The following SH3GL2 variants were observed in gnomAD, a reference collection of about 807,000 sequenced individuals.
SH3GL2 encodes endophilin-A1.
In SH3GL2, 24 loss-of-function variants were observed where a neutral mutation model predicts 46.0. The observed-to-expected ratio is 0.52, with a 90% CI of 0.38 to 0.73. The LOEUF is 0.73. Among genes scored for constraint, SH3GL2 ranks in the 30% least tolerant of loss-of-function variants. The probability of loss-of-function intolerance (pLI) is 0.00; values close to 1 mark genes in which losing one functional copy is unlikely to be tolerated. For synonymous variants in SH3GL2, 196 were observed against 147.1 expected (o/e 1.33, Z -2.40); for missense variants, 413 against 424.2 (o/e 0.97, Z 0.23).
chr9:17,579,471 G>A (rs1410140598), intron 1 of SH3GL2, among the ~76,000 whole-genome samples, 184 bp downstream of exon 1: 1 of 151,878 alleles, frequency 6.6e-6, no homozygotes, highest in Non-Finnish European at 1.5e-5. Context: ...GTCCACCCTC[G>A]GTCCCCCGCC....
intron 1 of SH3GL2, among the ~76,000 whole-genome samples, chr9:17,698,930 G>T (rs1821275384): frequency 6.6e-6 from 1 of 152,122 alleles, no homozygotes; most frequent in African/African-American, 2.4e-5. Context: ...GCCAAGGCGG[G>T]TGGCTCATGA....
At chr9:17,786,076 C>A (rs534902308) in intron 3 of SH3GL2, among the ~76,000 whole-genome samples, 1 of 152,090 alleles carries the variant, frequency 6.6e-6, no homozygotes, top group Non-Finnish European at 1.5e-5. Flanking sequence ...ACTGCAGGGG[C>A]CACCACAGTG....
chr9:17,703,405 T>C (rs890505827), intron 1 of SH3GL2, among the ~76,000 whole-genome samples: 1 of 151,954 alleles, frequency 6.6e-6, no homozygotes, highest in African/African-American at 2.4e-5. Context: ...GGCAGTTTCA[T>C]TTCCAAAAGT....
rs935953198 is a variant in SH3GL2, at chr9:17,747,140, C to T, written c.114+6C>T. On this transcript the variant is annotated splice_donor_region_variant and intron_variant, in intron 2 of 8. Coordinates refer to ENST00000380607, the MANE Select transcript of SH3GL2 (RefSeq NM_003026.5). ...ACTTCAAAGAGATGGAAAGGGTAAGCCTTCACTACTGCCTAGTGTTCCCTT... is the reference window on the plus strand; with the variant it reads ...ACTTCAAAGAGATGGAAAGGGTAAGTCTTCACTACTGCCTAGTGTTCCCTT... 6 of 1,579,846 alleles carry T rather than the reference C, an allele frequency of 3.8e-6. No homozygotes were observed. In the South Asian group the frequency reaches 6.7e-5, roughly 18 times the overall value.
chr9:17,746,499 T>C (rs573314612), intron 1 of SH3GL2, among the ~76,000 whole-genome samples: 103 of 152,338 alleles, frequency 6.8e-4, no homozygotes, highest in African/African-American at 2.3e-3. Context: ...TCAACAGCTT[T>C]CTATATGTTT....
At chr9:17,635,178 C>T (rs1344639886) in intron 1 of SH3GL2, among the ~76,000 whole-genome samples, 1 of 152,110 alleles carries the variant, frequency 6.6e-6, no homozygotes, top group Non-Finnish European at 1.5e-5. Context: ...ATGTCATTCC[C>T]TCTGTGTGTC....
At chr9:17,761,382 G>A (rs1823167883) in intron 2 of SH3GL2, 55 bp from the exon 3 acceptor site, 19 of 1,123,230 alleles carry the variant, frequency 1.7e-5, no homozygotes, top group Non-Finnish European at 6.8e-6. Flanking sequence ...ACCAAAAACC[G>A]GTATTCTAAA....
chr9:17,668,472 A>AT (rs1820396394), intron 1 of SH3GL2, among the ~76,000 whole-genome samples: 3 of 152,026 alleles, frequency 2.0e-5, no homozygotes, highest in Admixed American at 6.5e-5. Context: ...ATTGCTTATG[A>AT]TTTTTTTTGG....
In SH3GL2 at chr9:17,579,162, G is replaced by A; in HGVS notation, c.-81G>A. ...GGCACGACCAGAGGCGGCCAGGGGA[G>A]CGCGCCGCCCCGCTCGGCCCTCCAG... is the stretch of plus-strand genomic sequence containing the variant. On this transcript the variant is annotated 5_prime_UTR_variant, in exon 1 of 9. Coordinates refer to ENST00000380607, the MANE Select transcript of SH3GL2 (RefSeq NM_003026.5). 6.8e-6 allele frequency: 7 copies of A among 1,031,378 alleles called. No individual in the cohort carries two copies. The highest frequency in any genetic ancestry group is 1.7e-5 in the South Asian group (1 of 57,646). 63.9% of individuals were successfully genotyped at this position (1,031,378 alleles called of 1,614,324 possible). A position where few individuals can be genotyped will look rare whatever the true frequency, so the allele number is the denominator to read the frequency against.
rs368605179 is a variant in SH3GL2 at position 17,758,747 on chromosome 9, G to C, written c.115-2690G>C. ...CAAGCGAAGGTTATTTTATGTTGTA[G>C]TCAAAAGGGTTTAGGTAGAACTTGC... On this transcript the variant is annotated intron_variant, in intron 2 of 8. Transcript: ENST00000380607. 1.0e-4 allele frequency among the ~76,000 whole-genome samples: 15 copies of C among 147,328 alleles called. 1 individual carries two copies. The South Asian group carries it at 3.1e-3, about 31-fold the overall frequency.
At chr9:17,664,203 C>T (rs1451951097) in intron 1 of SH3GL2, among the ~76,000 whole-genome samples, 1 of 152,146 alleles carries the variant, frequency 6.6e-6, no homozygotes, top group East Asian at 1.9e-4. Context: ...CGAACTAAAA[C>T]ATGGAAATTG....
At chr9:17,584,314 A>G (rs1006935211) in intron 1 of SH3GL2, among the ~76,000 whole-genome samples, 2 of 152,134 alleles carry the variant, frequency 1.3e-5, no homozygotes, top group Non-Finnish European at 2.9e-5. Flanking sequence ...CGGCTTTGCC[A>G]GTGCAGTGAA....
At chr9:17,622,537 C>T (rs1039828639) in intron 1 of SH3GL2, among the ~76,000 whole-genome samples, 4 of 152,134 alleles carry the variant, frequency 2.6e-5, no homozygotes, top group Non-Finnish European at 4.4e-5. Flanking sequence ...GTGGGATACT[C>T]ATGTTTCATC....
chr9:17,772,348 A>G (rs1823509152), intron 3 of SH3GL2, among the ~76,000 whole-genome samples: 1 of 152,226 alleles, frequency 6.6e-6, no homozygotes, highest in African/African-American at 2.4e-5. Flanking sequence ...TAAAACATGC[A>G]TAACATGAAA....
At chr9:17,692,443 C>G (rs868449026) in intron 1 of SH3GL2, among the ~76,000 whole-genome samples, 1 of 151,818 alleles carries the variant, frequency 6.6e-6, no homozygotes, top group Non-Finnish European at 1.5e-5. Flanking sequence ...GTCAAGAGTT[C>G]GAGACCAGCC....
intron 1 of SH3GL2, among the ~76,000 whole-genome samples, chr9:17,714,630 C>G (rs1563823939): frequency 6.6e-6 from 1 of 151,774 alleles, no homozygotes; most frequent in Non-Finnish European, 1.5e-5. Flanking sequence ...GCATACAAAC[C>G]TTAGAGCAGT....
chr9:17,626,814 C>T (rs1819292112), intron 1 of SH3GL2, among the ~76,000 whole-genome samples: 1 of 152,172 alleles, frequency 6.6e-6, no homozygotes, highest in Non-Finnish European at 1.5e-5. Flanking sequence ...CTGCCTTTAC[C>T]TCCCGTGTCT....
At chr9:17,764,637 AC>A in intron 3 of SH3GL2, among the ~76,000 whole-genome samples, 1 of 151,182 alleles carries the variant, frequency 6.6e-6, no homozygotes, top group South Asian at 2.1e-4. Flanking sequence ...CTTCGAGGGT[AC>A]TTTGGGAGTA....
At chr9:17,645,411 A>T (rs1431616361) in intron 1 of SH3GL2, among the ~76,000 whole-genome samples, 1 of 152,202 alleles carries the variant, frequency 6.6e-6, no homozygotes, top group Non-Finnish European at 1.5e-5. Context: ...TGATCCTTTC[A>T]TTATGATGCT....
Sources: gnomAD v4.1 joint callset for allele counts (sites outside exome capture counted in the v4.1 genomes callset) on GRCh38, gnomAD v4.1.1 for gene constraint, MANE v1.5 for transcripts, NCBI Gene and HGNC (gene_info 2026-07-23, HGNC 2026-07-21) for gene names.